Variants in LBP observed in about 807,000 individuals in gnomAD.
LBP encodes lipopolysaccharide-binding protein.
In LBP, 53 loss-of-function variants were observed where a neutral mutation model predicts 56.6. That is an observed-to-expected ratio of 0.94 (90% CI 0.75 to 1.18). LBP has a LOEUF of 1.18. Ranked by LOEUF, LBP falls within the 50% of genes most tolerant of loss-of-function variation. The probability of loss-of-function intolerance (pLI) is 0.00; values close to 1 mark genes in which losing one functional copy is unlikely to be tolerated. For synonymous variants in LBP, 227 were observed against 247.5 expected (o/e 0.92, Z 0.78); for missense variants, 601 against 598.3 (o/e 1.00, Z -0.05).
intron 1 of LBP, 53 bp from the exon 2 acceptor site, chr20:38,349,495 C>A: frequency 7.3e-7 from 1 of 1,363,928 alleles, no homozygotes; most frequent in Non-Finnish European, 1.0e-6. Context: ...GGGTTTAGAG[C>A]AGGGGAGGAG....
At chr20:38,355,475 C>A in intron 5 of LBP, 66 bp downstream of exon 5, 1 of 1,395,382 alleles carries the variant, frequency 7.2e-7, no homozygotes, top group Non-Finnish European at 1.0e-6. Flanking sequence ...ACCTCACTGA[C>A]CAATGGCCCT....
chr20:38,371,503 T>C (rs1024681950), intron 12 of LBP, among the ~76,000 whole-genome samples, 181 bp downstream of exon 12: 1 of 152,204 alleles, frequency 6.6e-6, no homozygotes. Flanking sequence ...TATATCCTAG[T>C]ATAAAACAAT....
At chr20:38,369,185 A>G in intron 10 of LBP, 23 bp downstream of exon 10, 1 of 1,590,780 alleles carries the variant, frequency 6.3e-7, no homozygotes, top group Non-Finnish European at 8.6e-7. Context: ...GCCTTTGCAA[A>G]TGCTGTTTCC....
chr20:38,362,104 G>A (rs901943577), intron 6 of LBP, among the ~76,000 whole-genome samples: 1 of 147,490 alleles, frequency 6.8e-6, no homozygotes, highest in African/African-American at 2.5e-5. Context: ...TGTTGCCCAG[G>A]CTGGAGTGCA....
At chr20:38,364,876 C>A in intron 8 of LBP, 124 bp downstream of exon 8, 2 of 894,662 alleles carry the variant, frequency 2.2e-6, no homozygotes, top group Non-Finnish European at 3.4e-6. Flanking sequence ...AAATCAACAC[C>A]AAGAAAAATA....
chr20:38,355,215 A>G, intron 4 of LBP, 131 bp from the exon 5 acceptor site: 4 of 766,142 alleles, frequency 5.2e-6, no homozygotes, highest in Non-Finnish European at 9.1e-6. Flanking sequence ...ATGTGCTGGG[A>G]CACAGCAGGG....
intron 5 of LBP, among the ~76,000 whole-genome samples, chr20:38,359,277 T>C (rs996479589): frequency 6.6e-6 from 1 of 152,146 alleles, no homozygotes; most frequent in Non-Finnish European, 1.5e-5. Context: ...TAGGTTTTCA[T>C]AGAAAGAACC....
intron 14 of LBP, among the ~76,000 whole-genome samples, chr20:38,375,793 G>A (rs1365014065): frequency 6.6e-6 from 1 of 152,118 alleles, no homozygotes. Flanking sequence ...GGGATGCTGC[G>A]CTGTGCCTGG....
chr20:38,347,282 G>A (rs1012407569), intron 1 of LBP, among the ~76,000 whole-genome samples: 10 of 152,042 alleles, frequency 6.6e-5, no homozygotes, highest in Middle Eastern at 3.2e-3. Context: ...AGTGGCTCAC[G>A]CCTGTAATCC....
chr20:38,352,033 A>G (rs2076822265), intron 3 of LBP, among the ~76,000 whole-genome samples: 1 of 149,548 alleles, frequency 6.7e-6, no homozygotes, highest in Non-Finnish European at 1.5e-5. Flanking sequence ...GCGAGACTCC[A>G]TCTCTAAAAA....
rs2083964220 is a variant in LBP at position 38,376,998 on chromosome 20, AT to A, written c.*332del. Reference sequence around the variant, plus strand: ...GGCACTTAGTAGGTCCTCAATAAATATTTATTAAATGATGAGATGATGGAAT... The same window carrying A: ...GGCACTTAGTAGGTCCTCAATAAATATTATTAAATGATGAGATGATGGAAT... On this transcript the variant is annotated 3_prime_UTR_variant, in exon 15 of 15. Transcript: ENST00000217407. The A allele has an allele frequency of 2.0e-6, 1 of 493,280 alleles. No individual in the cohort carries two copies. The highest frequency in any genetic ancestry group is 1.9e-5 in the African/African-American group (1 of 51,448). 30.6% of individuals were successfully genotyped at this position (493,280 alleles called of 1,614,324 possible).
At chr20:38,368,907 C>T (rs1002600624) in intron 9 of LBP, 88 bp from the exon 10 acceptor site, 2 of 1,367,304 alleles carry the variant, frequency 1.5e-6, no homozygotes, top group South Asian at 1.2e-5. Flanking sequence ...TCGAAAGCAA[C>T]TTCCAGCTTT....
intron 6 of LBP, among the ~76,000 whole-genome samples, chr20:38,361,829 C>T (rs951016947): frequency 2.6e-5 from 4 of 151,994 alleles, no homozygotes; most frequent in African/African-American, 9.7e-5. Context: ...CAGAACACGG[C>T]TGGTTTTTCA....
At chr20:38,360,378 A>T (rs1219384634) in intron 5 of LBP, among the ~76,000 whole-genome samples, 1 of 152,196 alleles carries the variant, frequency 6.6e-6, no homozygotes, top group African/African-American at 2.4e-5. Flanking sequence ...GGACCTCCCA[A>T]AGGAAAACTT....
chr20:38,369,505 T>TA (rs11481047), intron 10 of LBP, among the ~76,000 whole-genome samples: 25,781 of 152,202 alleles, frequency 0.17, 3,143 homozygotes, highest in African/African-American at 0.35. Context: ...TATTTGTCTA[T>TA]TTTGACCTTG....
intron 6 of LBP, among the ~76,000 whole-genome samples, chr20:38,361,079 T>C (rs953910683): frequency 6.6e-6 from 1 of 151,634 alleles, no homozygotes; most frequent in Non-Finnish European, 1.5e-5. Flanking sequence ...GGAGAATTGA[T>C]TGAACCCAGA....
chr20:38,354,730 G>A (rs912032188), intron 4 of LBP, among the ~76,000 whole-genome samples: 5 of 152,048 alleles, frequency 3.3e-5, no homozygotes, highest in East Asian at 1.9e-4. Context: ...GAGAGTTTGC[G>A]AAAAACATAC....
rs1310217590 is a variant in LBP, at chr20:38,373,149, T to A, written c.1324+14T>A. The A allele has an allele frequency of 1.2e-6, 2 of 1,609,622 alleles. No homozygotes were observed. The highest frequency in any genetic ancestry group is 2.7e-5 in the African/African-American group (2 of 74,804). ...CCAAGTTCAATGGTAAGAATCACTG[T>A]GGATTTTTCCAAGTCAAAAGTGAAC... On this transcript the variant is annotated intron_variant, in intron 13 of 14. Transcript: ENST00000217407.
chr20:38,353,809 CTT>C (rs1353441967), intron 3 of LBP, among the ~76,000 whole-genome samples: 2 of 152,004 alleles, frequency 1.3e-5, no homozygotes, highest in Non-Finnish European at 2.9e-5. Context: ...TTTTTAATGA[CTT>C]TTACATGCTT....
Sources: allele counts gnomAD v4.1 joint callset (sites outside exome capture counted in the v4.1 genomes callset), GRCh38; gene constraint gnomAD v4.1.1; transcripts MANE v1.5; gene names NCBI Gene and HGNC (gene_info 2026-07-23, HGNC 2026-07-21).